CLXN: variants seen among roughly 807,000 people sequenced by gnomAD.
CLXN encodes the protein calaxin.
At chr8:48,723,121 T>C in the CLXN span, among the ~76,000 whole-genome samples, 1 of 152,148 alleles carries the variant, frequency 6.6e-6, no homozygotes, top group Non-Finnish European at 1.5e-5. Flanking sequence ...ATATTTGAAA[T>C]TTGCTCTAAA....
At chr8:48,717,833 A>G in the CLXN span, among the ~76,000 whole-genome samples, 1 of 152,332 alleles carries the variant, frequency 6.6e-6, no homozygotes, top group Middle Eastern at 3.4e-3. Flanking sequence ...AAGATATTTT[A>G]TGCAAGCCTT....
chr8:48,730,579 A>T, the CLXN span: 1 of 1,612,112 alleles, frequency 6.2e-7, no homozygotes, highest in Non-Finnish European at 8.5e-7. Context: ...AGAAACAGTG[A>T]TAATCCATGA....
chr8:48,725,836 A>AATAC, the CLXN span, among the ~76,000 whole-genome samples: 1 of 151,812 alleles, frequency 6.6e-6, no homozygotes, highest in African/African-American at 2.4e-5. Flanking sequence ...TAAATAAATA[A>AATAC]ATAAATAATA....
the CLXN span, among the ~76,000 whole-genome samples, chr8:48,726,167 C>T: frequency 2.1e-5 from 3 of 144,852 alleles, no homozygotes; most frequent in Non-Finnish European, 4.6e-5. Context: ...CCCACCCACC[C>T]CATCCACCCA....
At chr8:48,729,936 A>G in the CLXN span, 12 of 1,485,232 alleles carry the variant, frequency 8.1e-6, no homozygotes, top group Non-Finnish European at 1.1e-5. Flanking sequence ...TCTCTGATAA[A>G]CTTTTCAGGG....
chr8:48,730,018 A>G, the CLXN span: 1 of 596,912 alleles, frequency 1.7e-6, no homozygotes, highest in Non-Finnish European at 2.8e-6. Flanking sequence ...GTCAACGTAT[A>G]CTAGGATATA....
the CLXN span, among the ~76,000 whole-genome samples, chr8:48,721,358 A>T: frequency 6.7e-6 from 1 of 150,260 alleles, no homozygotes; most frequent in Non-Finnish European, 1.5e-5. Flanking sequence ...GGAAGAATTT[A>T]TATTATTAAA....
At chr8:48,717,819 A>G in the CLXN span, among the ~76,000 whole-genome samples, 1 of 152,212 alleles carries the variant, frequency 6.6e-6, no homozygotes, top group Non-Finnish European at 1.5e-5. Flanking sequence ...AACTTAAAAT[A>G]GACAAGATAT....
chr8:48,715,477 T>C, the CLXN span: 2 of 152,228 alleles, frequency 1.3e-5, no homozygotes, highest in African/African-American at 2.4e-5. Context: ...CCTCATCTTC[T>C]ACCCTGGCAC....
the CLXN span, among the ~76,000 whole-genome samples, chr8:48,733,300 C>T: frequency 4.7e-4 from 71 of 152,148 alleles, no homozygotes; most frequent in Middle Eastern, 6.8e-3. Flanking sequence ...ATTTATTACC[C>T]AAAGGATCAA....
At chr8:48,730,398 TA>T in the CLXN span, 2 of 509,102 alleles carry the variant, frequency 3.9e-6, no homozygotes, top group Non-Finnish European at 6.9e-6. Context: ...ATTCATTCCA[TA>T]AAATAGGTTA....
the CLXN span, chr8:48,724,484 C>T: frequency 3.2e-4 from 97 of 305,702 alleles, no homozygotes; most frequent in Non-Finnish European, 2.3e-4. Context: ...TTATGTGCTT[C>T]GACAGATAGT....
chr8:48,726,822 C>G, the CLXN span, among the ~76,000 whole-genome samples: 19 of 148,120 alleles, frequency 1.3e-4, 1 homozygote, highest in African/African-American at 4.7e-4. Flanking sequence ...ATCCATCCAT[C>G]CATCCATTGT....
chr8:48,731,547 T>C, the CLXN span: 1 of 1,508,306 alleles, frequency 6.6e-7, no homozygotes, highest in African/African-American at 1.4e-5. Flanking sequence ...CCCTTAATCT[T>C]TAAGTTCTAA....
the CLXN span, among the ~76,000 whole-genome samples, chr8:48,721,934 G>A: frequency 0.032 from 4,836 of 152,284 alleles, 104 homozygotes; most frequent in Middle Eastern, 0.065. Context: ...GCAAAAATAA[G>A]TGGGATTGAA....
At chr8:48,722,829 G>A in the CLXN span, among the ~76,000 whole-genome samples, 1 of 152,008 alleles carries the variant, frequency 6.6e-6, no homozygotes, top group African/African-American at 2.4e-5. Flanking sequence ...AGGAAATTAT[G>A]CCATTTCCAA....
chr8:48,717,877 T>A, the CLXN span, among the ~76,000 whole-genome samples: 1 of 152,074 alleles, frequency 6.6e-6, no homozygotes, highest in Non-Finnish European at 1.5e-5. Context: ...AATTGATATA[T>A]ACACAAAAAT....
At chr8:48,726,779 A>C in the CLXN span, among the ~76,000 whole-genome samples, 2 of 127,230 alleles carry the variant, frequency 1.6e-5, no homozygotes, top group African/African-American at 6.2e-5. Flanking sequence ...TTACCCACCC[A>C]CCTCACCCAT....
the CLXN span, among the ~76,000 whole-genome samples, chr8:48,727,383 A>G: frequency 5.9e-5 from 9 of 152,172 alleles, no homozygotes; most frequent in African/African-American, 2.2e-4. Flanking sequence ...CCTAGGTAAT[A>G]AAAAGAGCTG....
Sources: gnomAD v4.1 joint callset for allele counts (sites outside exome capture counted in the v4.1 genomes callset) on GRCh38, gnomAD v4.1.1 for gene constraint, MANE v1.5 for transcripts, NCBI Gene and HGNC (gene_info 2026-07-23, HGNC 2026-07-21) for gene names.